The following BLZF1 variants were observed in gnomAD, a reference collection of about 807,000 sequenced individuals.
The protein encoded by BLZF1 is basic leucine zipper nuclear factor 1.
A neutral mutation model predicts 43.8 loss-of-function variants in BLZF1; 39 were observed. The ratio of observed to expected loss-of-function variants is 0.89; its 90% CI spans 0.69 to 1.16. The LOEUF (loss-of-function observed/expected upper bound fraction) is 1.16, where lower values mean the gene tolerates loss of function less well. Among genes scored for constraint, BLZF1 ranks in the 50% most tolerant of loss-of-function variants. BLZF1 has a pLI of 0.00. For missense variants in BLZF1, 449 were observed against 469.8 expected (o/e 0.96, Z 0.41); for synonymous variants, 136 against 159.4 (o/e 0.85, Z 1.11).
At chr1:169,389,260 C>T (rs956557886), downstream of BLZF1, among the ~76,000 whole-genome samples, 3 of 151,956 alleles carry the variant, frequency 2.0e-5, no homozygotes, top group Admixed American at 6.6e-5. Context: ...CGCCATTACA[C>T]TCCAGCCTGG....
intron 2 of BLZF1, among the ~76,000 whole-genome samples, chr1:169,375,086 A>G (rs1291485891): frequency 6.6e-6 from 1 of 151,916 alleles, no homozygotes; most frequent in Non-Finnish European, 1.5e-5. Context: ...AAAATAACTC[A>G]GAAGTTAAGA....
At chr1:169,372,192 G>A (rs947341426) in intron 2 of BLZF1, among the ~76,000 whole-genome samples, 1 of 150,500 alleles carries the variant, frequency 6.6e-6, no homozygotes, top group African/African-American at 2.4e-5. Context: ...AACTTTATTA[G>A]GTGATATGGG....
intron 3 of BLZF1, among the ~76,000 whole-genome samples, chr1:169,378,083 T>C (rs998061712): frequency 2.6e-4 from 40 of 151,966 alleles, no homozygotes; most frequent in Admixed American, 2.6e-4. Context: ...ATAATTCTTT[T>C]TACTCTTACT....
chr1:169,378,658 A>G, intron 4 of BLZF1, 129 bp downstream of exon 4: 1 of 764,958 alleles, frequency 1.3e-6, no homozygotes, highest in Non-Finnish European at 2.1e-6. Context: ...TTCATTTAAG[A>G]TGTGGACTCT....
In BLZF1 at chr1:169,387,565, C is replaced by G. The variant is rs1557851766; in HGVS notation, c.*383C>G. 6.1e-6 allele frequency: 1 copy of G among 162,660 alleles called. No homozygotes were observed. Among genetic ancestry groups the G allele is most frequent in the Non-Finnish European group, 1.3e-5 (1 of 75,786 alleles). 10.1% of individuals were successfully genotyped at this position (162,660 alleles called of 1,614,324 possible). On this transcript the variant is annotated 3_prime_UTR_variant, in exon 7 of 7. Transcript: ENST00000367808. ...AAAGCAAAGGTAGGCAAACTACAAC[C>G]ATGAGTCAAACATGGCCACACCCAT...
chr1:169,392,994 A>C (rs1654851800), downstream of BLZF1, among the ~76,000 whole-genome samples: 1 of 152,152 alleles, frequency 6.6e-6, no homozygotes, highest in Non-Finnish European at 1.5e-5. Flanking sequence ...GAGCGATTCT[A>C]GCAAAGTACT....
At chr1:169,394,938 G>C (rs1176231730) in intron 7 of BLZF1, 1 of 1,022,812 alleles carries the variant, frequency 9.8e-7, no homozygotes, top group African/African-American at 1.6e-5. Flanking sequence ...GTCAATAAAA[G>C]ATAAATACCA....
In BLZF1 at chr1:169,378,406, G is replaced by A. The variant is rs370720199; in HGVS notation, c.545G>A (p.Arg182His). 80 of 1,612,850 alleles carry A rather than the reference G, an allele frequency of 5.0e-5. No homozygotes were observed. Among genetic ancestry groups the A allele is most frequent in the African/African-American group, 2.3e-4 (17 of 74,836 alleles). Residue 182 changes from arginine (R) to histidine (H), a missense_variant, in exon 4 of 7, where the codon CGT (arginine) becomes CAT (histidine). By Grantham distance (29) the Arg-to-His change is conservative. Coordinates refer to ENST00000367808, the MANE Select transcript of BLZF1 (RefSeq NM_001320973.2). ...CAGTATCACTTTGAACGTCTAGCCC[G>A]TGAGAAAAATCAGCTTATTTTAGAA... ...DLQYHFERLA[R>H]EKNQLILENE... is the part of the protein sequence containing the mutation.
chr1:169,371,900 G>A (rs1260600605), intron 2 of BLZF1, among the ~76,000 whole-genome samples: 1 of 152,084 alleles, frequency 6.6e-6, no homozygotes, highest in East Asian at 1.9e-4. Context: ...ATAGGTGTTA[G>A]GTAAAAAAGA....
chr1:169,378,610 T>A, intron 4 of BLZF1, 81 bp downstream of exon 4: 1 of 1,381,428 alleles, frequency 7.2e-7, no homozygotes, highest in Non-Finnish European at 1.0e-6. Context: ...GAAAGTAGAT[T>A]GTAGTGTGAA....
intron 6 of BLZF1, among the ~76,000 whole-genome samples, chr1:169,385,166 C>G (rs559676251): frequency 2.6e-5 from 4 of 152,296 alleles, no homozygotes; most frequent in African/African-American, 9.6e-5. Flanking sequence ...TTTTATTTCA[C>G]TATACAATGT....
At chr1:169,386,287 T>C (rs563800942) in intron 6 of BLZF1, among the ~76,000 whole-genome samples, 1 of 152,266 alleles carries the variant, frequency 6.6e-6, no homozygotes, top group East Asian at 1.9e-4. Context: ...GATTTTGAAA[T>C]ATCGTTTCCA....
intron 2 of BLZF1, 82 bp from the exon 3 acceptor site, chr1:169,376,458 G>T: frequency 4.4e-6 from 5 of 1,139,764 alleles, no homozygotes; most frequent in South Asian, 2.4e-5. Context: ...CAGTAATTTT[G>T]AATATAGGGT....
At chr1:169,389,970 G>C (rs961431675), downstream of BLZF1, among the ~76,000 whole-genome samples, 5 of 152,120 alleles carry the variant, frequency 3.3e-5, no homozygotes, top group Non-Finnish European at 5.9e-5. Flanking sequence ...TTTTTATTTA[G>C]TGGGTATAGA....
rs762895921 is a variant in BLZF1, at chr1:169,382,044, C to G, written c.798-18C>G. On this transcript the variant is annotated intron_variant, in intron 5 of 6. Transcript: ENST00000367808. Reference sequence around the variant, plus strand: ...TTGCTCTCTTACTATGTCCGGTGTTCATGTGTGTTCTATGCAGATTATTGG... The same window carrying G: ...TTGCTCTCTTACTATGTCCGGTGTTGATGTGTGTTCTATGCAGATTATTGG... The G allele has an allele frequency of 2.5e-6, 4 of 1,591,482 alleles. No homozygotes were observed. The African/African-American group carries it at 5.4e-5, about 21-fold the overall frequency.
chr1:169,369,198 C>G (rs1174955425), intron 1 of BLZF1, among the ~76,000 whole-genome samples: 1 of 151,978 alleles, frequency 6.6e-6, no homozygotes, highest in African/African-American at 2.4e-5. Context: ...CTTTGCTTGG[C>G]TAAAATTCAG....
intron 2 of BLZF1, among the ~76,000 whole-genome samples, chr1:169,372,773 A>G (rs1377153252): frequency 2.0e-5 from 3 of 152,148 alleles, no homozygotes; most frequent in Non-Finnish European, 4.4e-5. Context: ...TATGAATAAA[A>G]GAGAAATATT....
At chr1:169,391,710 T>C (rs1295158296), downstream of BLZF1, among the ~76,000 whole-genome samples, 2 of 152,212 alleles carry the variant, frequency 1.3e-5, no homozygotes, top group East Asian at 3.8e-4. Flanking sequence ...TTAACTTCTT[T>C]TAATCTATAA....
chr1:169,381,835 T>C (rs993010345), intron 5 of BLZF1, among the ~76,000 whole-genome samples: 57 of 152,148 alleles, frequency 3.7e-4, no homozygotes, highest in African/African-American at 1.2e-3. Flanking sequence ...CAAAGAAAAG[T>C]ACTGTTTGTT....
Sources: allele counts gnomAD v4.1 joint callset (sites outside exome capture counted in the v4.1 genomes callset), GRCh38; gene constraint gnomAD v4.1.1; transcripts MANE v1.5; gene names NCBI Gene and HGNC (gene_info 2026-07-23, HGNC 2026-07-21).